Variants in PDLIM3 observed in about 807,000 individuals in gnomAD.
The protein encoded by PDLIM3 is PDZ and LIM domain protein 3.
A neutral mutation model predicts 37.3 loss-of-function variants in PDLIM3; 36 were observed. That is an observed-to-expected ratio of 0.97 (90% CI 0.74 to 1.28). The LOEUF is 1.28. PDLIM3 is among the 50% of genes most tolerant of loss of function. The probability of loss-of-function intolerance (pLI) is 0.00; values close to 1 mark genes in which losing one functional copy is unlikely to be tolerated. For synonymous variants in PDLIM3, 174 were observed against 182.4 expected (o/e 0.95, Z 0.37); for missense variants, 454 against 485.0 (o/e 0.94, Z 0.60).
intron 5 of PDLIM3, among the ~76,000 whole-genome samples, chr4:185,507,414 A>T (rs2153332678): frequency 6.6e-6 from 1 of 152,266 alleles, no homozygotes. Context: ...ATTATTTTAT[A>T]TCATTTTATT....
rs765292127 is a variant in PDLIM3 at position 185,523,450 on chromosome 4, GAAATA to G, written c.246-9_246-5del. ...AGACCATAAGTGAGTTTCTCCCCTGGAAATAAAATAAAATTTGTAAACTTCAAATT... is the reference window on the plus strand; with the variant it reads ...AGACCATAAGTGAGTTTCTCCCCTGGAAATAAAATTTGTAAACTTCAAATT... On this transcript the variant is annotated splice_region_variant and splice_polypyrimidine_tract_variant and intron_variant, in intron 2 of 7. Transcript: ENST00000284767. 157 of 1,572,502 alleles carry G rather than the reference GAAATA, an allele frequency of 1.0e-4. No individual in the cohort carries two copies. The Middle Eastern group carries it at 5.0e-3, about 50-fold the overall frequency.
At chr4:185,531,710 C>T (rs566710779) in intron 1 of PDLIM3, among the ~76,000 whole-genome samples, 2 of 152,034 alleles carry the variant, frequency 1.3e-5, no homozygotes, top group South Asian at 2.1e-4. Context: ...AATGGGGACT[C>T]GATTAAACAC....
Position 185,501,095 on chromosome 4 carries a change from ACC to A in PDLIM3, c.*1197_*1198del, listed in dbSNP as rs2095686478. The A allele has an allele frequency of 6.6e-6, 1 of 152,266 alleles. No individual in the cohort carries two copies. The highest frequency in any genetic ancestry group is 2.1e-4 in the South Asian group (1 of 4,826). The allele number at this position is 152,266 out of a possible 1,614,324, so 9.4% of individuals were successfully genotyped here. ...GCAAGTCAGGAGCATTGCCATGGGC[ACC>A]CTGGGTGAGAGGCAAGGTAACGCCA... On this transcript the variant is annotated 3_prime_UTR_variant, in exon 8 of 8. Transcript: ENST00000284767.
intron 1 of PDLIM3, among the ~76,000 whole-genome samples, chr4:185,534,837 C>G (rs968523987): frequency 1.3e-5 from 2 of 152,220 alleles, no homozygotes; most frequent in Non-Finnish European, 2.9e-5. Context: ...CAACGCAGGT[C>G]GTGCCCCGCG....
chr4:185,513,845 G>C, intron 4 of PDLIM3: 2 of 1,101,490 alleles, frequency 1.8e-6, no homozygotes, highest in Non-Finnish European at 2.2e-6. Flanking sequence ...GAGACGAGAA[G>C]GAAGAGCTTG....
chr4:185,525,802 G>A lies in PDLIM3; in HGVS notation c.94-631C>T, dbSNP rs138549932. ...TCAGCTCTCTTGCCTCCAATAAGGAGGAAACAATAACAAGTGAGGTGTCTG... is the reference window on the plus strand; with the variant it reads ...TCAGCTCTCTTGCCTCCAATAAGGAAGAAACAATAACAAGTGAGGTGTCTG... On this transcript the variant is annotated intron_variant, in intron 1 of 7. Coordinates refer to ENST00000284767, the MANE Select transcript of PDLIM3 (RefSeq NM_014476.6). Among the ~76,000 whole-genome samples the A allele has an allele frequency of 9.6e-4, 146 of 152,254 alleles. 1 individual carries two copies. The highest frequency in any genetic ancestry group is 3.4e-3 in the African/African-American group (143 of 41,554).
At chr4:185,528,403 T>TG (rs1408477531) in intron 1 of PDLIM3, among the ~76,000 whole-genome samples, 3 of 152,252 alleles carry the variant, frequency 2.0e-5, no homozygotes, top group Non-Finnish European at 4.4e-5. Context: ...ATATCTAAGT[T>TG]GAATATCTTA....
intron 7 of PDLIM3, among the ~76,000 whole-genome samples, chr4:185,502,966 G>A (rs1404459953): frequency 6.6e-6 from 1 of 152,090 alleles, no homozygotes; most frequent in East Asian, 1.9e-4. Flanking sequence ...GGTGGCTCAC[G>A]CCTGAAATCC....
chr4:185,507,364 A>G (rs1236032858), intron 5 of PDLIM3, among the ~76,000 whole-genome samples: 2 of 152,222 alleles, frequency 1.3e-5, no homozygotes, highest in Non-Finnish European at 2.9e-5. Context: ...CATAATAGAC[A>G]ATAAAGAATT....
chr4:185,514,260 C>G lies in PDLIM3; in HGVS notation c.398+10G>C. On this transcript the variant is annotated intron_variant, in intron 4 of 7. Transcript: ENST00000284767. This position sits in a 1 kb window ranked among gnomAD's most constrained non-coding sequence, Gnocchi z 4.0. ...TGCACTGCAAACTCCACAGTCTCAG[C>G]GCTTATGACCTGCTTCGGCCCGGGA... The G allele has an allele frequency of 1.2e-6, 2 of 1,614,206 alleles. No homozygotes were observed. The highest frequency in any genetic ancestry group is 1.1e-5 in the South Asian group (1 of 91,078).
At chr4:185,523,315 G>A (rs1283424455) in intron 3 of PDLIM3, 47 bp downstream of exon 3, 1 of 1,334,854 alleles carries the variant, frequency 7.5e-7, no homozygotes, top group South Asian at 1.2e-5. Flanking sequence ...GCATCCCCAT[G>A]ATTTAAAAGG....
rs536458889 is a variant in PDLIM3 at position 185,530,917 on chromosome 4, G to A, written c.93+4425C>T. Among the ~76,000 whole-genome samples the A allele has an allele frequency of 2.6e-5, 4 of 151,834 alleles. No homozygotes were observed. The South Asian group carries it at 8.3e-4, about 32-fold the overall frequency. On this transcript the variant is annotated intron_variant, in intron 1 of 7. Coordinates refer to ENST00000284767, the MANE Select transcript of PDLIM3 (RefSeq NM_014476.6). ...AATAATGGCCCCAAAGTGCAAGAGC[G>A]CTGTGCCCAAGTTATAAATTAAACT...
intron 1 of PDLIM3, among the ~76,000 whole-genome samples, chr4:185,530,715 T>A (rs941189464): frequency 6.6e-6 from 1 of 152,188 alleles, no homozygotes; most frequent in African/African-American, 2.4e-5. Context: ...GCAGCTGTGC[T>A]GAGTAGCGCG....
In PDLIM3 at chr4:185,501,320, C is replaced by A. The variant is rs1413297271; in HGVS notation, c.*974G>T. 1 of 152,186 alleles carries A rather than the reference C, an allele frequency of 6.6e-6. No homozygotes were observed. The highest frequency in any genetic ancestry group is 1.5e-5 in the Non-Finnish European group (1 of 68,080). 9.4% of individuals were successfully genotyped at this position (152,186 alleles called of 1,614,324 possible). A position where few individuals can be genotyped will look rare whatever the true frequency, so the allele number is the denominator to read the frequency against. On this transcript the variant is annotated 3_prime_UTR_variant, in exon 8 of 8. Transcript: ENST00000284767. ...AAACCAAGGATTTCAACAGTGGATA[C>A]AAGCAGGACCCCAGGAGACCAGCAG...
chr4:185,526,085 C>T (rs1179989019), intron 1 of PDLIM3, among the ~76,000 whole-genome samples: 1 of 152,192 alleles, frequency 6.6e-6, no homozygotes, highest in Admixed American at 6.5e-5. Context: ...TGCCTTCAAG[C>T]AAAGGCAAGA....
intron 1 of PDLIM3, among the ~76,000 whole-genome samples, chr4:185,533,873 TAATATA>T (rs1452016607): frequency 6.6e-6 from 1 of 152,210 alleles, no homozygotes; most frequent in Non-Finnish European, 1.5e-5. Context: ...GGTTAGAATT[TAATATA>T]AATATGATTT....
chr4:185,508,642 CAG>C, intron 4 of PDLIM3, 80 bp from the exon 5 acceptor site: 3 of 1,440,686 alleles, frequency 2.1e-6, no homozygotes, highest in Admixed American at 1.7e-5. Context: ...AGAACACGTA[CAG>C]AGAGGTTAAA....
At chr4:185,513,486 T>C in intron 4 of PDLIM3, 1 of 963,732 alleles carries the variant, frequency 1.0e-6, no homozygotes, top group Non-Finnish European at 1.2e-6. Context: ...AGATGGTGAG[T>C]TTAAATGTTC....
chr4:185,535,180 C>T (rs931571176), intron 1 of PDLIM3, among the ~76,000 whole-genome samples, 162 bp downstream of exon 1: 16 of 152,146 alleles, frequency 1.1e-4, no homozygotes, highest in African/African-American at 3.4e-4. Context: ...GGAGTTGCCG[C>T]CGCCCCCGGA....
Sources: allele counts gnomAD v4.1 joint callset (sites outside exome capture counted in the v4.1 genomes callset), GRCh38; gene constraint gnomAD v4.1.1; non-coding constraint Gnocchi (gnomAD v3.1); transcripts MANE v1.5; gene names NCBI Gene and HGNC (gene_info 2026-07-23, HGNC 2026-07-21).